Variants in PARP15 observed in about 807,000 individuals in gnomAD.
PARP15 encodes protein mono-ADP-ribosyltransferase PARP15.
Under a neutral mutation model 62.1 loss-of-function variants are expected in PARP15, and 50 were observed. That is an observed-to-expected ratio of 0.81 (90% CI 0.64 to 1.02). The LOEUF (loss-of-function observed/expected upper bound fraction) is 1.02. PARP15 is among the 50% of genes least tolerant of loss of function. PARP15 has a pLI of 0.00. For synonymous variants in PARP15, 309 were observed against 293.1 expected, an observed-to-expected ratio of 1.05 and a Z score of -0.55; for missense variants, 820 against 826.5, an observed-to-expected ratio of 0.99 and a Z score of 0.10.
rs1937411215 is a variant in PARP15 at position 122,637,018 on chromosome 3, G to A, written c.*918G>A. 6.6e-6 allele frequency: 1 copy of A among 152,260 alleles called. No individual in the cohort carries two copies. The highest frequency in any genetic ancestry group is 2.1e-4 in the South Asian group (1 of 4,830). The allele number at this position is 152,260 out of a possible 1,614,324, so 9.4% of individuals were successfully genotyped here. A position where few individuals can be genotyped will look rare whatever the true frequency, so the allele number is the denominator to read the frequency against. On this transcript the variant is annotated 3_prime_UTR_variant, in exon 12 of 12. Coordinates refer to ENST00000464300, the MANE Select transcript of PARP15 (RefSeq NM_001113523.3). ...AAGCTACCAAATCTTTATGTTTGAA[G>A]TCATGCACCATCTTTTCCACGAGTA...
At chr3:122,610,368 G>A (rs1245353671) in intron 2 of PARP15, 126 bp from the exon 3 acceptor site, 2 of 819,376 alleles carry the variant, frequency 2.4e-6, no homozygotes, top group Non-Finnish European at 3.8e-6. Flanking sequence ...TTGAGGGTGG[G>A]GCTGACATGT....
chr3:122,616,383 G>A (rs977344320), intron 5 of PARP15, among the ~76,000 whole-genome samples: 1 of 147,892 alleles, frequency 6.8e-6, no homozygotes, highest in Non-Finnish European at 1.5e-5. Flanking sequence ...AGGATGGAGT[G>A]CAGTGGCGTG....
intron 1 of PARP15, among the ~76,000 whole-genome samples, chr3:122,583,114 C>CTTTTTTTTTTTTTTT (rs67942585): frequency 4.8e-5 from 4 of 83,444 alleles, no homozygotes; most frequent in African/African-American, 1.1e-4. Context: ...TCATCTGTAT[C>CTTTTTTTTTTTTTTT]TTTTTTTTTT....
rs1403547197 is a variant in PARP15, at chr3:122,638,054, G to GT, written c.*1960dup. The GT allele has an allele frequency of 1.3e-5, 2 of 152,068 alleles. No individual in the cohort carries two copies. Among genetic ancestry groups the GT allele is most frequent in the Non-Finnish European group, 2.9e-5 (2 of 68,026 alleles). The allele number at this position is 152,068 out of a possible 1,614,324, so 9.4% of individuals were successfully genotyped here. ...TGTGAGTGAGAACATGTGGTGTTTG[G>GT]TTTTTTGTCCTTGCGATAGTTTGCT... On this transcript the variant is annotated 3_prime_UTR_variant, in exon 12 of 12. Coordinates refer to ENST00000464300, the MANE Select transcript of PARP15 (RefSeq NM_001113523.3).
chr3:122,606,991 C>T (rs1576508498), intron 2 of PARP15, among the ~76,000 whole-genome samples: 1 of 146,116 alleles, frequency 6.8e-6, no homozygotes, highest in African/African-American at 2.8e-5. Flanking sequence ...CAGCCGGCTG[C>T]TTTCTTCATG....
intron 1 of PARP15, among the ~76,000 whole-genome samples, chr3:122,590,916 G>A (rs1392855501): frequency 6.6e-6 from 1 of 152,126 alleles, no homozygotes; most frequent in African/African-American, 2.4e-5. Flanking sequence ...GTAAAATGTT[G>A]TAGCTCTATT....
At chr3:122,628,183 TAC>T (rs1403503188) in intron 9 of PARP15, among the ~76,000 whole-genome samples, 1 of 152,206 alleles carries the variant, frequency 6.6e-6, no homozygotes, top group Non-Finnish European at 1.5e-5. Context: ...AGTGGAGATA[TAC>T]AGTCATCATC....
At chr3:122,635,702 C>G in intron 11 of PARP15, 109 bp from the exon 12 acceptor site, 1 of 1,274,862 alleles carries the variant, frequency 7.8e-7, no homozygotes, top group African/African-American at 1.5e-5. Flanking sequence ...CATGAGCCAA[C>G]ACACCTGGCT....
At chr3:122,580,069 G>C (rs2080773032) in intron 1 of PARP15, among the ~76,000 whole-genome samples, 1 of 141,642 alleles carries the variant, frequency 7.1e-6, no homozygotes. Flanking sequence ...AGAGACATTT[G>C]TCTTATGGAC....
chr3:122,613,364 C>A, intron 4 of PARP15, 96 bp downstream of exon 4: 1 of 1,106,812 alleles, frequency 9.0e-7, no homozygotes, highest in Non-Finnish European at 1.3e-6. Context: ...TTTTCTAATC[C>A]TGTGCCTATA....
Position 122,635,060 on chromosome 3 carries a change from A to G in PARP15, c.1613A>G (p.Gln538Arg). The G allele has an allele frequency of 6.2e-7, 1 of 1,614,076 alleles. No homozygotes were observed. Among genetic ancestry groups the G allele is most frequent in the South Asian group, 1.1e-5 (1 of 91,062 alleles). ...IQNAFLWQSY[Q>R]VKKRQMDIKN... ...AATGCATTTCTCTGGCAGAGCTACC[A>G]GGTAAAGAAAAGGCAAATGGATATC... Residue 538 changes from glutamine to arginine, a missense_variant, in exon 11 of 12, where the codon CAG becomes CGG. Physicochemically the swap from Gln to Arg is conservative, Grantham distance 43. Coordinates refer to ENST00000464300, the MANE Select transcript of PARP15 (RefSeq NM_001113523.3).
In PARP15 at chr3:122,577,862, C is replaced by A. The variant is rs1218439048; in HGVS notation, c.186+9C>A. The A allele has an allele frequency of 6.5e-7, 1 of 1,537,138 alleles. No homozygotes were observed. Among genetic ancestry groups the A allele is most frequent in the Non-Finnish European group, 8.8e-7 (1 of 1,138,714 alleles). On this transcript the variant is annotated intron_variant, in intron 1 of 11. Transcript: ENST00000464300. ...CTTCCTCCCGGAGTATGGTGAGGAG[C>A]GCGGGGGACGGGTGCGGGAAGGGGA...
At chr3:122,583,208 T>C (rs1422631925) in intron 1 of PARP15, among the ~76,000 whole-genome samples, 1 of 148,014 alleles carries the variant, frequency 6.8e-6, no homozygotes, top group African/African-American at 2.5e-5. Flanking sequence ...GCAACCTCTG[T>C]CTCCCAGGTT....
At chr3:122,617,297 G>C in intron 6 of PARP15, 133 bp downstream of exon 6, 1 of 929,176 alleles carries the variant, frequency 1.1e-6, no homozygotes, top group African/African-American at 1.7e-5. Context: ...AGGAAGACGT[G>C]GGTTGAATCC....
At position 122,637,871 on chromosome 3, in the gene PARP15, CAT is replaced by C. The variant is rs1560013725; in HGVS notation, c.*1772_*1773del. 1 of 151,982 alleles carries C rather than the reference CAT, an allele frequency of 6.6e-6. No homozygotes were observed. Among genetic ancestry groups the C allele is most frequent in the Non-Finnish European group, 1.5e-5 (1 of 68,008 alleles). 9.4% of individuals were successfully genotyped at this position (151,982 alleles called of 1,614,324 possible). ...TGTGCAGTTTAGTTACATATGTAAACATGTGCCATGTTGGTGTGCTGCACCCA... is the reference window on the plus strand; with the variant it reads ...TGTGCAGTTTAGTTACATATGTAAACGTGCCATGTTGGTGTGCTGCACCCA... On this transcript the variant is annotated 3_prime_UTR_variant, in exon 12 of 12. Coordinates refer to ENST00000464300, the MANE Select transcript of PARP15 (RefSeq NM_001113523.3).
intron 10 of PARP15, 146 bp downstream of exon 10, chr3:122,632,365 A>C: frequency 2.6e-6 from 2 of 775,184 alleles, no homozygotes; most frequent in Non-Finnish European, 4.0e-6. Context: ...CATAGACTTC[A>C]AATCTCATAG....
chr3:122,612,202 C>A (rs1156548895), intron 3 of PARP15, among the ~76,000 whole-genome samples: 1 of 151,174 alleles, frequency 6.6e-6, no homozygotes, highest in African/African-American at 2.4e-5. Flanking sequence ...ACAACAGGCA[C>A]ACATCACCAT....
At chr3:122,594,603 CGTT>C in intron 1 of PARP15, 19 of 950,796 alleles carry the variant, frequency 2.0e-5, no homozygotes, top group Non-Finnish European at 2.1e-5. Flanking sequence ...TTGAAATTGA[CGTT>C]GTGAAATCTA....
At chr3:122,630,410 C>A (rs1437340783) in intron 9 of PARP15, among the ~76,000 whole-genome samples, 1 of 152,162 alleles carries the variant, frequency 6.6e-6, no homozygotes, top group South Asian at 2.1e-4. Context: ...ACCAGCTGGG[C>A]GCTGTGGCTC....
Sources: gnomAD v4.1 joint callset for allele counts (sites outside exome capture counted in the v4.1 genomes callset) on GRCh38, gnomAD v4.1.1 for gene constraint, MANE v1.5 for transcripts, NCBI Gene and HGNC (gene_info 2026-07-23, HGNC 2026-07-21) for gene names.